NRXN3: variants seen among roughly 807,000 people sequenced by gnomAD.
The protein encoded by NRXN3 is neurexin 3.
NRXN3 carries 32 observed loss-of-function variants against 137.6 expected under a neutral mutation model. That is an observed-to-expected ratio of 0.23 (90% confidence interval 0.18 to 0.31). The LOEUF (loss-of-function observed/expected upper bound fraction) is 0.31. NRXN3 is among the 10% of genes least tolerant of loss of function. The pLI, the probability that NRXN3 is intolerant of heterozygous loss-of-function variation, is 1.00. For synonymous variants in NRXN3, 798 were observed against 784.5 expected, an observed-to-expected ratio of 1.02 and a Z score of -0.29; for missense variants, 1,574 against 2,062.5, an observed-to-expected ratio of 0.76 and a Z score of 4.59.
chr14:79,504,847 A>G (rs539705283), intron 16 of NRXN3, among the ~76,000 whole-genome samples: 51 of 151,952 alleles, frequency 3.4e-4, no homozygotes, highest in South Asian at 8.3e-4. Flanking sequence ...CATAAAGTAA[A>G]ATTATTATCA....
At chr14:79,771,806 T>C (rs1603480147) in intron 19 of NRXN3, among the ~76,000 whole-genome samples, 1 of 97,058 alleles carries the variant, frequency 1.0e-5, no homozygotes, top group Non-Finnish European at 2.1e-5. Context: ...AAATAAAGGG[T>C]ATTCAATTAG....
chr14:78,192,117 A>AGC (rs2060807419), intron 1 of NRXN3, among the ~76,000 whole-genome samples: 1 of 145,794 alleles, frequency 6.9e-6, no homozygotes, highest in Non-Finnish European at 1.5e-5. Context: ...TGAGAGAGAG[A>AGC]GCATACATGT....
intron 15 of NRXN3, among the ~76,000 whole-genome samples, chr14:79,063,166 C>A (rs1010749807): frequency 6.6e-6 from 1 of 152,208 alleles, no homozygotes; most frequent in African/African-American, 2.4e-5. Flanking sequence ...CTTCCAAACA[C>A]TGAATTCTTT....
rs1471477087 is a variant in NRXN3, at chr14:79,365,587, C to T, written c.3263-101634C>T. 5.2e-4 allele frequency among the ~76,000 whole-genome samples: 79 copies of T among 150,784 alleles called. 1 individual carries two copies. The highest frequency in any genetic ancestry group is 1.7e-3 in the African/African-American group (69 of 41,234). ...ATAAAAAATTAGCCGGGCGCGGTGG[C>T]GGGCGCCTGTAGTCCCAGCTACTCG... On this transcript the variant is annotated intron_variant, in intron 15 of 20. Transcript: ENST00000335750.
chr14:79,787,743 G>A (rs375102734), intron 19 of NRXN3, among the ~76,000 whole-genome samples: 1 of 151,824 alleles, frequency 6.6e-6, no homozygotes, highest in East Asian at 1.9e-4. Flanking sequence ...CTTTTTAAAG[G>A]CTGAATATTA....
intron 6 of NRXN3, among the ~76,000 whole-genome samples, chr14:78,694,943 A>G (rs1457699437): frequency 6.6e-6 from 1 of 151,962 alleles, no homozygotes; most frequent in Non-Finnish European, 1.5e-5. Context: ...AAATTATCAC[A>G]AATTTGGTAG....
chr14:78,533,242 C>T (rs933739664), intron 4 of NRXN3, among the ~76,000 whole-genome samples: 1 of 151,536 alleles, frequency 6.6e-6, no homozygotes, highest in Admixed American at 6.6e-5. Context: ...ACAGCCACCA[C>T]GCCCGGCTAA....
intron 10 of NRXN3, among the ~76,000 whole-genome samples, chr14:78,918,327 A>AATATCT (rs2099262246): frequency 6.6e-6 from 1 of 151,540 alleles, no homozygotes; most frequent in South Asian, 2.1e-4. Flanking sequence ...AGAGAAAAGA[A>AATATCT]ATATCTGTGT....
At chr14:78,229,758 T>C (rs1447021167) in intron 1 of NRXN3, among the ~76,000 whole-genome samples, 1 of 152,208 alleles carries the variant, frequency 6.6e-6, no homozygotes, top group Non-Finnish European at 1.5e-5. Flanking sequence ...AAGTGTGCCC[T>C]CTTGCTGTGT....
At chr14:78,941,805 G>A (rs145887642) in intron 10 of NRXN3, among the ~76,000 whole-genome samples, 96 of 152,266 alleles carry the variant, frequency 6.3e-4, no homozygotes, top group African/African-American at 2.0e-3. Context: ...CATTATCCCC[G>A]CTGGTCTCCC....
At chr14:79,112,577 A>T (rs2053722019) in intron 15 of NRXN3, among the ~76,000 whole-genome samples, 1 of 152,240 alleles carries the variant, frequency 6.6e-6, no homozygotes, top group Non-Finnish European at 1.5e-5. Flanking sequence ...TATTCAACAG[A>T]CTGTGTGTAC....
At chr14:79,488,937 C>T (rs767567244) in intron 16 of NRXN3, among the ~76,000 whole-genome samples, 6 of 151,922 alleles carry the variant, frequency 3.9e-5, no homozygotes, top group Non-Finnish European at 7.4e-5. Context: ...ATCTTTTTTC[C>T]TCCTAGAGCA....
At chr14:78,703,893 G>A (rs748942239) in intron 6 of NRXN3, 10 of 152,210 alleles carry the variant, frequency 6.6e-5, no homozygotes, top group Admixed American at 4.6e-4. Context: ...AGACCAGGTG[G>A]TAAACCTCCT....
rs117367903 is a variant in NRXN3 at position 79,447,539 on chromosome 14, G to A, written c.3263-19682G>A. ...CAGGGTCCAAAATTTCTATTTTCAT[G>A]TATTCTCCTTTTCTTATAAAGGCTC... On this transcript the variant is annotated intron_variant, in intron 15 of 20. Coordinates refer to ENST00000335750, the MANE Select transcript of NRXN3 (RefSeq NM_001330195.2). Among the ~76,000 whole-genome samples, 648 of 152,304 alleles carry A rather than the reference G, an allele frequency of 4.3e-3. 2 individuals carry two copies. Among genetic ancestry groups the A allele is most frequent in the Middle Eastern group, 0.017 (5 of 294 alleles).
chr14:79,052,355 A>G (rs1411810954), intron 15 of NRXN3, among the ~76,000 whole-genome samples: 1 of 152,236 alleles, frequency 6.6e-6, no homozygotes, highest in Non-Finnish European at 1.5e-5. Flanking sequence ...CTCATAGTTC[A>G]TGTTGTTACA....
intron 4 of NRXN3, among the ~76,000 whole-genome samples, chr14:78,298,253 G>T (rs927620079): frequency 6.6e-6 from 1 of 152,196 alleles, no homozygotes; most frequent in Non-Finnish European, 1.5e-5. Context: ...GCTCCAGGCT[G>T]GGGGAGAGGA....
chr14:79,773,189 A>G (rs1039466305), intron 19 of NRXN3, among the ~76,000 whole-genome samples: 1 of 152,174 alleles, frequency 6.6e-6, no homozygotes, highest in East Asian at 1.9e-4. Context: ...GGGACTGTAA[A>G]CTAGTTCAAC....
chr14:78,718,497 T>C (rs1259483519), intron 8 of NRXN3, among the ~76,000 whole-genome samples: 2 of 152,094 alleles, frequency 1.3e-5, no homozygotes, highest in Admixed American at 1.3e-4. Flanking sequence ...TGGATCAAAG[T>C]CATCAGCCAA....
At position 78,487,481 on chromosome 14, in the gene NRXN3, A is replaced by G. The variant is rs1408575008; in HGVS notation, c.758-157639A>G. The stretch of plus-strand genomic sequence containing the variant: ...GTCCTGCCCAGGAGCAGTGGCTCAC[A>G]CCTGTAATCCCAACACTTTGGGAAG... On this transcript the variant is annotated intron_variant, in intron 4 of 20. Coordinates refer to ENST00000335750, the MANE Select transcript of NRXN3 (RefSeq NM_001330195.2). Among the ~76,000 whole-genome samples the G allele has an allele frequency of 5.3e-5, 8 of 152,292 alleles. No individual in the cohort carries two copies. The East Asian group carries it at 1.5e-3, about 29-fold the overall frequency.
Sources: allele counts gnomAD v4.1 joint callset (sites outside exome capture counted in the v4.1 genomes callset), GRCh38; gene constraint gnomAD v4.1.1; transcripts MANE v1.5; gene names NCBI Gene and HGNC (gene_info 2026-07-23, HGNC 2026-07-21).